PRELID2: variants seen among roughly 807,000 people sequenced by gnomAD.
PRELID2 encodes the protein PRELI domain-containing protein 2.
A neutral mutation model predicts 28.4 loss-of-function variants in PRELID2; 25 were observed. That is an observed-to-expected ratio of 0.88 (90% CI 0.64 to 1.23). PRELID2 has a LOEUF of 1.23. Among genes scored for constraint, PRELID2 ranks in the 50% most tolerant of loss-of-function variants. The pLI is 0.00. For missense variants in PRELID2, 201 were observed against 214.4 expected, an observed-to-expected ratio of 0.94 and a Z score of 0.39; for synonymous variants, 76 against 71.6, an observed-to-expected ratio of 1.06 and a Z score of -0.31.
rs373522524 is a variant in PRELID2, at chr5:145,599,079, G to A, written n.71-125764C>T. ...CATGGACCCCAATAGTTGTGGGACC[G>A]AAAGAGCTGCGAAGGTGGTCATTAA... On this transcript the variant is annotated intron_variant and non_coding_transcript_variant, in intron 1 of 2. Coordinates refer to the PRELID2 transcript ENST00000510259. Among the ~76,000 whole-genome samples the A allele has an allele frequency of 8.5e-5, 13 of 152,246 alleles. 1 individual carries two copies. Among genetic ancestry groups the A allele is most frequent in the African/African-American group, 2.9e-4 (12 of 41,566 alleles).
intron 1 of PRELID2, among the ~76,000 whole-genome samples, chr5:145,533,601 A>G (rs557030304): frequency 1.3e-5 from 2 of 152,050 alleles, no homozygotes; most frequent in South Asian, 4.1e-4. Context: ...TGTTAGTCCC[A>G]TGTGTGACTG....
intron 2 of PRELID2, among the ~76,000 whole-genome samples, chr5:145,821,386 T>A (rs1754819306): frequency 6.6e-6 from 1 of 151,998 alleles, no homozygotes; most frequent in African/African-American, 2.4e-5. Context: ...CCCTCTTCTG[T>A]CCTGCTCATA....
chr5:145,267,090 C>T, the PRELID2 span, among the ~76,000 whole-genome samples: 2 of 151,984 alleles, frequency 1.3e-5, no homozygotes, highest in Admixed American at 6.6e-5. Flanking sequence ...ATCTGCAAGC[C>T]GAGGAGCAAA....
chr5:145,652,152 C>G (rs1298775204), intron 1 of PRELID2, among the ~76,000 whole-genome samples: 5 of 152,054 alleles, frequency 3.3e-5, no homozygotes, highest in Non-Finnish European at 7.4e-5. Context: ...GAAAGGGTAT[C>G]AGGGATTGAA....
chr5:145,343,831 A>G, the PRELID2 span, among the ~76,000 whole-genome samples: 1 of 151,912 alleles, frequency 6.6e-6, no homozygotes, highest in African/African-American at 2.4e-5. Flanking sequence ...AAAAGGAAGC[A>G]TTACAACTGA....
chr5:145,563,097 T>C (rs1237665454), intron 1 of PRELID2, among the ~76,000 whole-genome samples: 2 of 152,254 alleles, frequency 1.3e-5, no homozygotes, highest in Admixed American at 1.3e-4. Context: ...GGTGGGCACA[T>C]GATCCACGCT....
intron 1 of PRELID2, among the ~76,000 whole-genome samples, chr5:145,505,871 A>G (rs1017236860): frequency 6.6e-6 from 1 of 152,188 alleles, no homozygotes; most frequent in Non-Finnish European, 1.5e-5. Flanking sequence ...TGAGAACACT[A>G]TGTATGTGAA....
intron 4 of PRELID2, among the ~76,000 whole-genome samples, chr5:145,797,255 A>G (rs1404456867): frequency 6.6e-6 from 1 of 152,066 alleles, no homozygotes; most frequent in Non-Finnish European, 1.5e-5. Context: ...CAATATACAA[A>G]CCAAATTGCC....
At chr5:145,646,408 C>T (rs1754197001) in intron 1 of PRELID2, among the ~76,000 whole-genome samples, 1 of 152,158 alleles carries the variant, frequency 6.6e-6, no homozygotes. Flanking sequence ...CTTCCCTAAA[C>T]TGGTTATTCT....
At chr5:145,454,534 T>A in the PRELID2 span, among the ~76,000 whole-genome samples, 2 of 152,144 alleles carry the variant, frequency 1.3e-5, no homozygotes, top group African/African-American at 4.8e-5. Context: ...GAAAACCCCA[T>A]TGTCTCAGCC....
At chr5:145,492,049 T>C (rs1421200008) in intron 1 of PRELID2, among the ~76,000 whole-genome samples, 2 of 152,180 alleles carry the variant, frequency 1.3e-5, no homozygotes. Flanking sequence ...TTCCTTTGGA[T>C]CCCAGTAGTG....
At chr5:145,458,393 A>C in the PRELID2 span, among the ~76,000 whole-genome samples, 13 of 152,374 alleles carry the variant, frequency 8.5e-5, no homozygotes, top group Middle Eastern at 3.4e-3. Context: ...TTAGTTTAAG[A>C]AGCATATAAA....
At chr5:145,624,231 C>T (rs538414925) in intron 1 of PRELID2, among the ~76,000 whole-genome samples, 1 of 152,170 alleles carries the variant, frequency 6.6e-6, no homozygotes, top group Non-Finnish European at 1.5e-5. Flanking sequence ...CTCCAAACCC[C>T]ATCATTCAGG....
intron 1 of PRELID2, among the ~76,000 whole-genome samples, chr5:145,655,307 G>T (rs935843195): frequency 6.6e-6 from 1 of 152,136 alleles, no homozygotes; most frequent in Non-Finnish European, 1.5e-5. Flanking sequence ...TCAATATCAT[G>T]AAAATGGCCG....
chr5:145,534,382 T>C (rs1031399977), intron 1 of PRELID2, among the ~76,000 whole-genome samples: 27 of 152,202 alleles, frequency 1.8e-4, no homozygotes, highest in African/African-American at 5.1e-4. Context: ...CAGTCTTAAC[T>C]ATTTCACTTT....
the PRELID2 span, among the ~76,000 whole-genome samples, chr5:145,399,188 G>A: frequency 2.6e-5 from 4 of 151,974 alleles, no homozygotes; most frequent in East Asian, 3.9e-4. Flanking sequence ...CTTCTTACTC[G>A]TTATCTAGAG....
the PRELID2 span, among the ~76,000 whole-genome samples, chr5:145,330,007 G>A: frequency 2.0e-5 from 3 of 152,132 alleles, no homozygotes; most frequent in Admixed American, 1.3e-4. Flanking sequence ...TTTATCGAAG[G>A]CCTTTTCTGC....
At chr5:145,426,117 G>C in the PRELID2 span, among the ~76,000 whole-genome samples, 2 of 152,182 alleles carry the variant, frequency 1.3e-5, no homozygotes, top group Non-Finnish European at 2.9e-5. Context: ...TGGCAGATGA[G>C]AGCTGGCAGA....
chr5:145,384,388 C>G, the PRELID2 span, among the ~76,000 whole-genome samples: 1 of 152,048 alleles, frequency 6.6e-6, no homozygotes, highest in Non-Finnish European at 1.5e-5. Context: ...GATACAAACT[C>G]TAATATATTC....
Sources: gnomAD v4.1 joint callset for allele counts (sites outside exome capture counted in the v4.1 genomes callset) on GRCh38, gnomAD v4.1.1 for gene constraint, MANE v1.5 for transcripts, NCBI Gene and HGNC (gene_info 2026-07-23, HGNC 2026-07-21) for gene names.